BACC1: variants seen among roughly 807,000 people sequenced by gnomAD.
The protein encoded by BACC1 is BPTF associated chromatin complex component 1.
chr17:7,016,429 T>G, the BACC1 span: 1 of 1,547,110 alleles, frequency 6.5e-7, no homozygotes, highest in Non-Finnish European at 8.8e-7. Context: ...CCCCTTCCCC[T>G]CCCGTCCCCT....
the BACC1 span, chr17:7,015,224 C>A: frequency 6.7e-7 from 1 of 1,490,938 alleles, no homozygotes; most frequent in Non-Finnish European, 8.9e-7. Context: ...AGACACGGAC[C>A]CTCTCTAGCA....
At chr17:7,015,817 G>C in the BACC1 span, 1 of 1,614,052 alleles carries the variant, frequency 6.2e-7, no homozygotes, top group Non-Finnish European at 8.5e-7. Context: ...GAGGGCTGCT[G>C]TGAAGCGATT....
chr17:7,016,477 CTT>C, the BACC1 span: 1 of 1,610,778 alleles, frequency 6.2e-7, no homozygotes, highest in East Asian at 2.2e-5. Context: ...TTCCTAACCT[CTT>C]CTCTCTTTTC....
chr17:7,014,944 G>A, the BACC1 span: 2 of 1,481,994 alleles, frequency 1.3e-6, no homozygotes, highest in Non-Finnish European at 1.8e-6. This position sits in a 1 kb window ranked among gnomAD's most constrained non-coding sequence, Gnocchi z 4.5. Flanking sequence ...CACTTGGCTC[G>A]CGGCTCTTCC....
chr17:7,015,182 G>T, the BACC1 span: 1 of 1,550,088 alleles, frequency 6.5e-7, no homozygotes, highest in Non-Finnish European at 8.6e-7. Flanking sequence ...CTGGGACGTG[G>T]ACGCTGAGAG....
chr17:7,016,966 G>A, the BACC1 span: 2 of 1,614,112 alleles, frequency 1.2e-6, no homozygotes, highest in Non-Finnish European at 1.7e-6. Flanking sequence ...GGTGGATATT[G>A]AAGGGCTAGG....
the BACC1 span, chr17:7,015,018 G>T: frequency 7.0e-7 from 1 of 1,438,796 alleles, no homozygotes; most frequent in Non-Finnish European, 9.1e-7. Context: ...GGGCGGGACG[G>T]GGAGGGCGGG....
the BACC1 span, chr17:7,016,768 G>A: frequency 6.5e-7 from 1 of 1,538,082 alleles, no homozygotes; most frequent in Non-Finnish European, 8.9e-7. Context: ...TCAAAGAAGG[G>A]TCAGTCTCTC....
chr17:7,016,877 G>T, the BACC1 span: 1 of 1,584,462 alleles, frequency 6.3e-7, no homozygotes, highest in Non-Finnish European at 8.7e-7. Context: ...GCTGTCAGGG[G>T]AACCTAGAAC....
the BACC1 span, chr17:7,017,344 C>G: frequency 1.3e-6 from 2 of 1,592,436 alleles, no homozygotes; most frequent in Non-Finnish European, 1.7e-6. Flanking sequence ...TGACCTCTCA[C>G]TGTTCATGCC....
chr17:7,017,109 G>A, the BACC1 span: 4 of 1,524,020 alleles, frequency 2.6e-6, no homozygotes, highest in Admixed American at 3.4e-5. Flanking sequence ...CCCCTCCCTT[G>A]TATAGGGGTT....
chr17:7,016,887 C>T, the BACC1 span: 72 of 1,600,852 alleles, frequency 4.5e-5, no homozygotes, highest in Non-Finnish European at 6.0e-5. Flanking sequence ...GAACCTAGAA[C>T]CTAGCTTATG....
chr17:7,015,345 AG>A, the BACC1 span: 2 of 1,372,022 alleles, frequency 1.5e-6, no homozygotes, highest in Non-Finnish European at 1.9e-6. Flanking sequence ...ACAGGCCCAT[AG>A]CCCAGACTCC....
the BACC1 span, chr17:7,016,585 G>A: frequency 6.2e-7 from 1 of 1,614,214 alleles, no homozygotes; most frequent in Non-Finnish European, 8.5e-7. Context: ...GGCCCAAGAA[G>A]GTGGCATCTG....
At chr17:7,014,826 G>T in the BACC1 span, 2 of 1,527,494 alleles carry the variant, frequency 1.3e-6, no homozygotes, top group Non-Finnish European at 8.8e-7. The surrounding 1 kb of genome is among the most constrained non-coding windows in gnomAD (Gnocchi z 4.5). Context: ...TAGCGGCGGC[G>T]GCGGCGTCTC....
the BACC1 span, chr17:7,015,383 C>T: frequency 2.9e-6 from 4 of 1,372,180 alleles, no homozygotes; most frequent in East Asian, 5.8e-5. Flanking sequence ...CTGCTGCGAA[C>T]GGGTCGACCA....
chr17:7,015,365 A>G, the BACC1 span: 3 of 1,372,758 alleles, frequency 2.2e-6, no homozygotes, highest in Non-Finnish European at 2.8e-6. Flanking sequence ...CCTGTTTCAC[A>G]GTTCTCCCTG....
chr17:7,016,752 C>T, the BACC1 span: 1 of 1,556,178 alleles, frequency 6.4e-7, no homozygotes, highest in Non-Finnish European at 8.7e-7. Flanking sequence ...GAGAATTGGG[C>T]CTGGGTCAAA....
the BACC1 span, chr17:7,015,931 C>G: frequency 6.8e-7 from 1 of 1,461,094 alleles, no homozygotes; most frequent in African/African-American, 1.4e-5. Flanking sequence ...TCCTCCTTAC[C>G]CAAGGTTCCA....
Sources: gnomAD v4.1 joint callset for allele counts on GRCh38, gnomAD v4.1.1 for gene constraint, Gnocchi (gnomAD v3.1) non-coding constraint, MANE v1.5 for transcripts, NCBI Gene and HGNC (gene_info 2026-07-23, HGNC 2026-07-21) for gene names.